PCNT: variants seen among roughly 807,000 people sequenced by gnomAD.
The protein encoded by PCNT is kendrin.
PCNT carries 319 observed loss-of-function variants against 380.4 expected under a neutral mutation model. That is an observed-to-expected ratio of 0.84 (90% confidence interval 0.77 to 0.92). The LOEUF is 0.92. Ranked by LOEUF, PCNT falls within the 40% of genes least tolerant of loss-of-function variation. The pLI, the probability that PCNT is intolerant of heterozygous loss-of-function variation, is 0.00. For synonymous variants in PCNT, 1,845 were observed against 1,735.2 expected, an observed-to-expected ratio of 1.06 and a Z score of -1.57; for missense variants, 4,400 against 4,255.3, an observed-to-expected ratio of 1.03 and a Z score of -0.95.
In PCNT at chr21:46,416,472, G is replaced by A; in HGVS notation, c.6554G>A (p.Cys2185Tyr). The A allele has an allele frequency of 1.9e-6, 3 of 1,614,172 alleles. No individual in the cohort carries two copies. The highest frequency in any genetic ancestry group is 2.5e-6 in the Non-Finnish European group (3 of 1,180,040). Residue 2185 changes from cysteine to tyrosine, a missense_variant, in exon 30 of 47, where the codon TGT (cysteine) becomes TAT (tyrosine). Physicochemically the swap from Cys to Tyr is radical, Grantham distance 194. Transcript: ENST00000359568. Reference sequence around the variant, plus strand: ...TCTCCCATTCAAGAAAAATCAGAATGTCAGGACATGTCTCTTTCTTCACCG... The same window carrying A: ...TCTCCCATTCAAGAAAAATCAGAATATCAGGACATGTCTCTTTCTTCACCG... ...PDSPIQEKSECQDMSLSSPTS... is the reference protein window; with the variant it reads ...PDSPIQEKSEYQDMSLSSPTS...
At position 46,416,598 on chromosome 21, in the gene PCNT, C is replaced by T. The variant is rs1260612283; in HGVS notation, c.6680C>T (p.Pro2227Leu). ...GMLDLSSWSSPEVLRKDWTLE... is the reference protein window; with the variant it reads ...GMLDLSSWSSLEVLRKDWTLE... ...CTGGACCTGTCTTCCTGGAGCTCCC[C>T]TGAGGTCCTCAGGAAGGACTGGACC... is the stretch of plus-strand genomic sequence containing the variant. Residue 2227 changes from proline to leucine, a missense_variant, in exon 30 of 47, where the codon CCT (proline) becomes CTT (leucine). Coordinates refer to ENST00000359568, the MANE Select transcript of PCNT (RefSeq NM_006031.6). 6 of 1,602,520 alleles carry T rather than the reference C, an allele frequency of 3.7e-6. No individual in the cohort carries two copies. The highest frequency in any genetic ancestry group is 5.1e-6 in the Non-Finnish European group (6 of 1,174,464).
At chr21:46,427,849 GCAGAGA>G in intron 34 of PCNT, 54 bp downstream of exon 34, 2 of 1,576,926 alleles carry the variant, frequency 1.3e-6, no homozygotes, top group Non-Finnish European at 1.7e-6. Context: ...TCCAGCCCTG[GCAGAGA>G]GGGTGACACA....
Position 46,363,929 on chromosome 21 carries a change from G to T in PCNT, c.2604G>T (p.Arg868=), listed in dbSNP as rs1214934872. 3 of 1,606,108 alleles carry T rather than the reference G, an allele frequency of 1.9e-6. No individual in the cohort carries two copies. Among genetic ancestry groups the T allele is most frequent in the African/African-American group, 2.7e-5 (2 of 74,912 alleles). ...GCGCCCTGCAGCTGATGCTGGCCCG[G>T]AGCAGGTGGGTTTGCAGTGACGCCA... ...EDCALQLMLA[R]SRFLEERKEI... Residue 868 remains arginine (R), a synonymous_variant, in exon 14 of 47, where the codon CGG becomes CGT. Coordinates refer to ENST00000359568, the MANE Select transcript of PCNT (RefSeq NM_006031.6).
intron 30 of PCNT, among the ~76,000 whole-genome samples, chr21:46,417,986 T>C (rs531706973): frequency 6.6e-6 from 1 of 152,346 alleles, no homozygotes; most frequent in East Asian, 1.9e-4. Flanking sequence ...ATCTGAAATA[T>C]TTACTATTGG....
intron 2 of PCNT, among the ~76,000 whole-genome samples, chr21:46,328,633 G>A (rs1319016192): frequency 1.3e-5 from 2 of 152,088 alleles, no homozygotes; most frequent in African/African-American, 4.8e-5. Context: ...GCTAATTTTT[G>A]TATTTTTAGT....
intron 15 of PCNT, among the ~76,000 whole-genome samples, chr21:46,378,206 C>A (rs1401483666): frequency 6.6e-6 from 1 of 152,120 alleles, no homozygotes; most frequent in African/African-American, 2.4e-5. Context: ...TGCCTGAAAT[C>A]GTGAATGGTT....
rs1002476191 is a variant in PCNT, at chr21:46,445,534, T to C, written c.*207T>C. The C allele has an allele frequency of 1.6e-6, 1 of 608,706 alleles. No homozygotes were observed. The highest frequency in any genetic ancestry group is 2.9e-6 in the Non-Finnish European group (1 of 340,514). 37.7% of individuals were successfully genotyped at this position (608,706 alleles called of 1,614,324 possible). A position where few individuals can be genotyped will look rare whatever the true frequency, so the allele number is the denominator to read the frequency against. ...CATTTTCTATGGAGCCTCCGTATGT[T>C]TTAGGCCCATGACCTTCGTGAGGTG... On this transcript the variant is annotated 3_prime_UTR_variant, in exon 47 of 47. Transcript: ENST00000359568.
chr21:46,366,968 G>A lies in PCNT; in HGVS notation c.2994G>A (p.Glu998=), dbSNP rs1173334534. ...QALELLRADF[E]EQLWKKDSLH... ...TAGAGCTCTTACGAGCAGACTTTGA[G>A]GAACAACTGTGGAAAAAGGACTCTC... is the stretch of plus-strand genomic sequence containing the variant. Residue 998 remains glutamate (E), a synonymous_variant, in exon 15 of 47, where the codon GAG becomes GAA. Transcript: ENST00000359568. The A allele has an allele frequency of 2.5e-6, 4 of 1,614,230 alleles. No homozygotes were observed. The highest frequency in any genetic ancestry group is 3.4e-6 in the Non-Finnish European group (4 of 1,180,048).
intron 2 of PCNT, among the ~76,000 whole-genome samples, chr21:46,328,831 C>T (rs970884507): frequency 7.4e-5 from 11 of 149,172 alleles, no homozygotes; most frequent in African/African-American, 2.5e-4. Flanking sequence ...TGGAGTGCAG[C>T]GGCACGCCCT....
At chr21:46,361,221 C>T (rs981724415) in intron 13 of PCNT, among the ~76,000 whole-genome samples, 3 of 151,964 alleles carry the variant, frequency 2.0e-5, no homozygotes, top group Non-Finnish European at 2.9e-5. Context: ...CCTGTCTTTA[C>T]TAAAAAATAA....
chr21:46,363,006 A>G (rs897234524), intron 13 of PCNT, among the ~76,000 whole-genome samples: 6 of 152,190 alleles, frequency 3.9e-5, no homozygotes, highest in African/African-American at 1.2e-4. Flanking sequence ...GACCTTGTAC[A>G]GATCGGGAGC....
chr21:46,426,159 G>A (rs1235189444), intron 33 of PCNT, among the ~76,000 whole-genome samples, 188 bp downstream of exon 33: 6 of 128,050 alleles, frequency 4.7e-5, no homozygotes, highest in Non-Finnish European at 9.3e-5. Flanking sequence ...TCAGCCTCCC[G>A]AGTAGCTGGG....
rs924141452 is a variant in PCNT at position 46,430,669 on chromosome 21, T to C, written c.8064+12T>C. On this transcript the variant is annotated intron_variant, in intron 37 of 46. Transcript: ENST00000359568. ...CCAAGGCCCTGGAGGTAACAGGGTGTCAGGGCAAGGCAGCCGGCATGGGCT... is the reference window on the plus strand; with the variant it reads ...CCAAGGCCCTGGAGGTAACAGGGTGCCAGGGCAAGGCAGCCGGCATGGGCT... The C allele has an allele frequency of 1.3e-6, 2 of 1,565,620 alleles. No individual in the cohort carries two copies. Among genetic ancestry groups the C allele is most frequent in the Non-Finnish European group, 1.7e-6 (2 of 1,156,164 alleles).
Position 46,324,407 on chromosome 21 carries a change from T to G in PCNT, c.54+125T>G. The G allele has an allele frequency of 4.7e-6, 4 of 851,444 alleles. No individual in the cohort carries two copies. In the South Asian group the frequency reaches 5.7e-5, roughly 12 times the overall value. 52.7% of individuals were successfully genotyped at this position (851,444 alleles called of 1,614,324 possible). A position where few individuals can be genotyped will look rare whatever the true frequency, so the allele number is the denominator to read the frequency against. Reference sequence around the variant, plus strand: ...GCGGAAGCCGCCGCGGAGGTCTCGCTTTTTCCCGCCGGCTCCGCTGGAAGC... The same window carrying G: ...GCGGAAGCCGCCGCGGAGGTCTCGCGTTTTCCCGCCGGCTCCGCTGGAAGC... On this transcript the variant is annotated intron_variant, in intron 1 of 46. Transcript: ENST00000359568.
intron 34 of PCNT, among the ~76,000 whole-genome samples, chr21:46,428,044 T>A (rs1391778754): frequency 1.3e-5 from 2 of 152,134 alleles, no homozygotes; most frequent in Non-Finnish European, 2.9e-5. Flanking sequence ...CTGAGATAGG[T>A]GGCTAAAGAA....
chr21:46,436,860 C>T (rs888622998), intron 39 of PCNT, 119 bp from the exon 40 acceptor site: 6 of 785,248 alleles, frequency 7.6e-6, no homozygotes, highest in Non-Finnish European at 1.3e-5. Context: ...CGAAGTGATT[C>T]ACACACAGGC....
In PCNT at chr21:46,433,803, G is replaced by A. The variant is rs183434803; in HGVS notation, c.8751+1588G>A. ...AATTTTTTTTTTGAGGTAGAGTCTC[G>A]CTCTGTCTTCCAAGCTGGAGTGCAA... On this transcript the variant is annotated intron_variant, in intron 38 of 46. Transcript: ENST00000359568. 5.3e-5 allele frequency among the ~76,000 whole-genome samples: 8 copies of A among 151,998 alleles called. No homozygotes were observed. In the East Asian group the frequency reaches 1.4e-3, roughly 26 times the overall value.
intron 29 of PCNT, among the ~76,000 whole-genome samples, chr21:46,414,420 C>T (rs1193545359): frequency 6.7e-6 from 1 of 148,506 alleles, no homozygotes; most frequent in Non-Finnish European, 1.5e-5. Flanking sequence ...TCTGTCCACC[C>T]TCCTCCTCCT....
chr21:46,349,556 AGGGGCCCGGGGGCGCCCAGGAT>A, intron 7 of PCNT, 106 bp from the exon 8 acceptor site: 1 of 966,174 alleles, frequency 1.0e-6, no homozygotes, highest in Non-Finnish European at 1.7e-6. Context: ...GGCTCAAACG[AGGGGCCCGGGGGCGCCCAGGAT>A]GGGGCTCTGG....
Sources: gnomAD v4.1 joint callset for allele counts (sites outside exome capture counted in the v4.1 genomes callset) on GRCh38, gnomAD v4.1.1 for gene constraint, MANE v1.5 for transcripts, NCBI Gene and HGNC (gene_info 2026-07-23, HGNC 2026-07-21) for gene names.